Variants in SLIT2 observed in about 807,000 individuals in gnomAD.
SLIT2 encodes the protein slit guidance ligand 2, also known as slit homolog 2 protein.
In SLIT2, 41 loss-of-function variants were observed where a neutral mutation model predicts 185.7. That is an observed-to-expected ratio of 0.22 (90% CI 0.17 to 0.29). The LOEUF (loss-of-function observed/expected upper bound fraction) is 0.29, where lower values mean the gene tolerates loss of function less well. SLIT2 is among the 10% of genes least tolerant of loss of function. The pLI is 1.00. For synonymous variants in SLIT2, 693 were observed against 680.2 expected, an observed-to-expected ratio of 1.02 and a Z score of -0.29; for missense variants, 1,571 against 1,909.0, an observed-to-expected ratio of 0.82 and a Z score of 3.30.
chr4:20,591,880 CT>C (rs536684704), intron 30 of SLIT2, among the ~76,000 whole-genome samples: 10 of 152,042 alleles, frequency 6.6e-5, no homozygotes, highest in Non-Finnish European at 1.5e-4. Flanking sequence ...TGCAAAAAGA[CT>C]AATCCTTAAT....
intron 4 of SLIT2, among the ~76,000 whole-genome samples, chr4:20,331,365 T>G (rs149865078): frequency 1.3e-3 from 202 of 152,278 alleles, no homozygotes; most frequent in African/African-American, 4.6e-3. Flanking sequence ...TATTGATTGA[T>G]CTTCAGGAGT....
At chr4:20,362,316 A>G (rs1001983826) in intron 4 of SLIT2, among the ~76,000 whole-genome samples, 1 of 152,166 alleles carries the variant, frequency 6.6e-6, no homozygotes. Context: ...AGAGAGCTCC[A>G]TAACAGGAAC....
intron 30 of SLIT2, among the ~76,000 whole-genome samples, chr4:20,591,261 G>C (rs1274026339): frequency 6.6e-6 from 1 of 152,108 alleles, no homozygotes; most frequent in Non-Finnish European, 1.5e-5. Context: ...AGAGAAGATG[G>C]AATTTGAGCT....
In SLIT2 at chr4:20,252,050, C is replaced by T. The variant is rs971913745; in HGVS notation, c.-1766C>T. 2.6e-5 allele frequency among the ~76,000 whole-genome samples: 4 copies of T among 152,220 alleles called. No individual in the cohort carries two copies. The highest frequency in any genetic ancestry group is 6.5e-5 in the Admixed American group (1 of 15,292). On this transcript the variant is annotated 5_prime_UTR_variant, in exon 1 of 37. Coordinates refer to ENST00000504154, the MANE Select transcript of SLIT2 (RefSeq NM_004787.4). Reference sequence around the variant, plus strand: ...GAGGCAGCTGCGAGGCATGGGAGCGCCGAAGCGCCCAGGCGCAGGCCGAAG... The same window carrying T: ...GAGGCAGCTGCGAGGCATGGGAGCGTCGAAGCGCCCAGGCGCAGGCCGAAG...
intron 9 of SLIT2, among the ~76,000 whole-genome samples, chr4:20,504,182 G>C (rs906831481): frequency 6.6e-6 from 1 of 152,086 alleles, no homozygotes; most frequent in Admixed American, 6.6e-5. Flanking sequence ...AAGGAATATT[G>C]TCTTCCTCCT....
At chr4:20,558,183 T>A (rs1320860605) in intron 26 of SLIT2, among the ~76,000 whole-genome samples, 9 of 152,046 alleles carry the variant, frequency 5.9e-5, no homozygotes, top group Admixed American at 5.9e-4. Flanking sequence ...TTGACTCCAA[T>A]TTTGAAAAAA....
At chr4:20,257,064 G>C (rs766230297) in intron 2 of SLIT2, among the ~76,000 whole-genome samples, 1 of 152,040 alleles carries the variant, frequency 6.6e-6, no homozygotes, top group Non-Finnish European at 1.5e-5. Context: ...AGAAACATTT[G>C]ATACTTTTAG....
chr4:20,552,274 G>A lies in SLIT2; in HGVS notation c.2561+1376G>A, dbSNP rs562196439. ...AGGAAAGGTGCTGCTTGAGCTGAGC[G>A]GAACTTCCCTTCATGTTACCAGCCT... On this transcript the variant is annotated intron_variant, in intron 25 of 36. Transcript: ENST00000504154. 3.9e-5 allele frequency among the ~76,000 whole-genome samples: 6 copies of A among 152,118 alleles called. No homozygotes were observed. In the East Asian group the frequency reaches 7.7e-4, roughly 20 times the overall value.
chr4:20,281,211 A>C (rs1051761635), intron 4 of SLIT2, among the ~76,000 whole-genome samples: 1 of 152,226 alleles, frequency 6.6e-6, no homozygotes, highest in African/African-American at 2.4e-5. Flanking sequence ...ATCTCTCAAT[A>C]TGAGGTAAGT....
intron 30 of SLIT2, among the ~76,000 whole-genome samples, chr4:20,592,209 T>A (rs535159460): frequency 6.6e-6 from 1 of 152,334 alleles, no homozygotes; most frequent in African/African-American, 2.4e-5. Context: ...TTCTTATTAC[T>A]AAGCTAACAG....
In SLIT2 at chr4:20,299,655, G is replaced by GT. The variant is rs72386657; in HGVS notation, c.395+30786dup. On this transcript the variant is annotated intron_variant, in intron 4 of 36. Coordinates refer to ENST00000504154, the MANE Select transcript of SLIT2 (RefSeq NM_004787.4). Reference sequence around the variant, plus strand: ...GGCATTGTTCATTTTGCCTTTTTTTGTTTTTTTTTTTTAGTTTTGTGATGT... The same window carrying GT: ...GGCATTGTTCATTTTGCCTTTTTTTGTTTTTTTTTTTTTAGTTTTGTGATGT... 4.0e-3 allele frequency among the ~76,000 whole-genome samples: 572 copies of GT among 143,570 alleles called. 3 individuals carry two copies. Among genetic ancestry groups the GT allele is most frequent in the Middle Eastern group, 0.026 (7 of 270 alleles). The allele number at this position is 143,570 out of a possible 152,430, so 94.2% of individuals were successfully genotyped here.
intron 4 of SLIT2, among the ~76,000 whole-genome samples, chr4:20,330,262 A>C (rs1446072708): frequency 6.6e-6 from 1 of 152,082 alleles, no homozygotes; most frequent in Non-Finnish European, 1.5e-5. Context: ...ACATGGCTCA[A>C]ATTAGAAGGT....
At chr4:20,335,645 C>T (rs1720433382) in intron 4 of SLIT2, among the ~76,000 whole-genome samples, 1 of 152,018 alleles carries the variant, frequency 6.6e-6, no homozygotes, top group African/African-American at 2.4e-5. Flanking sequence ...CATCAGATCT[C>T]AGGTTGGAAT....
At chr4:20,458,499 C>CT (rs1236083234) in intron 4 of SLIT2, among the ~76,000 whole-genome samples, 3 of 152,174 alleles carry the variant, frequency 2.0e-5, no homozygotes, top group African/African-American at 7.2e-5. Context: ...TCCTGGACCT[C>CT]TTCCCTAGCG....
At chr4:20,594,539 G>C (rs903575506) in intron 30 of SLIT2, among the ~76,000 whole-genome samples, 6 of 151,914 alleles carry the variant, frequency 3.9e-5, no homozygotes, top group Admixed American at 6.6e-5. Context: ...GCTTCCAGAA[G>C]ACCCCTCCTC....
At chr4:20,420,155 A>C (rs1254594585) in intron 4 of SLIT2, among the ~76,000 whole-genome samples, 2 of 152,144 alleles carry the variant, frequency 1.3e-5, no homozygotes, top group African/African-American at 2.4e-5. Flanking sequence ...CTACCCGAAC[A>C]CAACTCCACT....
chr4:20,443,835 T>C (rs1248098545), intron 4 of SLIT2, among the ~76,000 whole-genome samples: 1 of 152,034 alleles, frequency 6.6e-6, no homozygotes, highest in Non-Finnish European at 1.5e-5. Flanking sequence ...GAACAAGATG[T>C]TAGATTGAAA....
At position 20,511,053 on chromosome 4, in the gene SLIT2, T is replaced by C; in HGVS notation, c.987-13T>C. ...TTTGATTGAATGTAACCTAACCCTATTTCTAATCTTAGTGACCTGAGCAAT... is the reference window on the plus strand; with the variant it reads ...TTTGATTGAATGTAACCTAACCCTACTTCTAATCTTAGTGACCTGAGCAAT... On this transcript the variant is annotated splice_polypyrimidine_tract_variant and intron_variant, in intron 10 of 36. Transcript: ENST00000504154. The C allele has an allele frequency of 6.4e-7, 1 of 1,554,356 alleles. No homozygotes were observed. Among genetic ancestry groups the C allele is most frequent in the Non-Finnish European group, 8.9e-7 (1 of 1,126,512 alleles).
chr4:20,560,099 A>G (rs1355491145), intron 26 of SLIT2, among the ~76,000 whole-genome samples: 1 of 151,952 alleles, frequency 6.6e-6, no homozygotes, highest in Non-Finnish European at 1.5e-5. Flanking sequence ...ATTGAGGTTT[A>G]CATATTTTAA....
Sources: gnomAD v4.1 joint callset for allele counts (sites outside exome capture counted in the v4.1 genomes callset) on GRCh38, gnomAD v4.1.1 for gene constraint, MANE v1.5 for transcripts, NCBI Gene and HGNC (gene_info 2026-07-23, HGNC 2026-07-21) for gene names.